DNAAF4: variants seen among roughly 807,000 people sequenced by gnomAD.
DNAAF4 encodes the protein dynein axonemal assembly factor 4, also known as dynein assembly factor 4, axonemal.
In DNAAF4, 43 loss-of-function variants were observed where a neutral mutation model predicts 51.8. The observed-to-expected ratio is 0.83, with a 90% CI of 0.65 to 1.07. The LOEUF (loss-of-function observed/expected upper bound fraction) is 1.07. Among genes scored for constraint, DNAAF4 ranks in the 50% least tolerant of loss-of-function variants. The pLI is 0.00. For missense variants in DNAAF4, 581 were observed against 493.0 expected (o/e 1.18, Z -1.69); for synonymous variants, 194 against 165.6 (o/e 1.17, Z -1.32).
intron 6 of DNAAF4, among the ~76,000 whole-genome samples, chr15:55,441,360 A>G (rs1032928343): frequency 6.6e-6 from 1 of 152,172 alleles, no homozygotes; most frequent in African/African-American, 2.4e-5. Context: ...GTGAGCCACC[A>G]TGCCCAGCCC....
Position 55,442,677 on chromosome 15 carries a change from C to T in DNAAF4, c.784-3096G>A, listed in dbSNP as rs182360264. ...GATTCAGCTTTATAAGTAAGCTTGTCGCCTCTGAATATAGGGTCTTCTCAT... is the reference window on the plus strand; with the variant it reads ...GATTCAGCTTTATAAGTAAGCTTGTTGCCTCTGAATATAGGGTCTTCTCAT... On this transcript the variant is annotated intron_variant, in intron 6 of 9. Coordinates refer to ENST00000321149, the MANE Select transcript of DNAAF4 (RefSeq NM_130810.4). 4.0e-3 allele frequency: 5,997 copies of T among 1,492,158 alleles called. 16 individuals carry two copies. The highest frequency in any genetic ancestry group is 4.8e-3 in the Non-Finnish European group (5,160 of 1,070,728). 92.4% of individuals were successfully genotyped at this position (1,492,158 alleles called of 1,614,324 possible).
intron 7 of DNAAF4, among the ~76,000 whole-genome samples, chr15:55,423,293 G>A (rs1047896200): frequency 6.6e-6 from 1 of 151,690 alleles, no homozygotes; most frequent in African/African-American, 2.4e-5. Context: ...CCTCAACCTC[G>A]ACTTCCCCGG....
At chr15:55,468,273 T>C (rs1202573673) in intron 4 of DNAAF4, among the ~76,000 whole-genome samples, 1 of 152,150 alleles carries the variant, frequency 6.6e-6, no homozygotes, top group Non-Finnish European at 1.5e-5. Flanking sequence ...CACTGAAAGG[T>C]GCTCTGTAAT....
At chr15:55,433,912 A>ATTACATATATTATATATAT (rs1555413829) in intron 8 of DNAAF4, among the ~76,000 whole-genome samples, 1 of 8,206 alleles carries the variant, frequency 1.2e-4, no homozygotes, top group African/African-American at 8.3e-4. Flanking sequence ...TATTATATAT[A>ATTACATATATTATATATAT]ATTATATATA....
At chr15:55,463,170 TCTCACACACACA>T (rs1334415057) in intron 5 of DNAAF4, among the ~76,000 whole-genome samples, 4 of 119,962 alleles carry the variant, frequency 3.3e-5, no homozygotes, top group African/African-American at 1.2e-4. Context: ...TGAGACTCTG[TCTCACACACACA>T]CACACACACA....
chr15:55,470,617 C>A (rs2058240644), intron 4 of DNAAF4, among the ~76,000 whole-genome samples: 1 of 151,502 alleles, frequency 6.6e-6, no homozygotes, highest in African/African-American at 2.4e-5. Context: ...TCATGGCTCA[C>A]TGCAGCCTCA....
intron 4 of DNAAF4, among the ~76,000 whole-genome samples, chr15:55,475,324 G>A (rs985885751): frequency 2.0e-5 from 3 of 152,150 alleles, no homozygotes; most frequent in African/African-American, 7.2e-5. Flanking sequence ...CATTTCAGGG[G>A]ACTGGAAATT....
intron 1 of DNAAF4, among the ~76,000 whole-genome samples, chr15:55,502,739 C>G (rs1357269253): frequency 1.3e-5 from 2 of 152,114 alleles, no homozygotes; most frequent in Non-Finnish European, 2.9e-5. Flanking sequence ...AACAAAGACA[C>G]AACGTACCAG....
downstream of DNAAF4, among the ~76,000 whole-genome samples, chr15:55,427,665 C>T (rs1295624416): frequency 6.7e-6 from 1 of 148,964 alleles, no homozygotes; most frequent in Non-Finnish European, 1.5e-5. Flanking sequence ...GATGGAGTTT[C>T]GCTCTTCTTG....
At chr15:55,478,298 A>G (rs2058363110) in intron 4 of DNAAF4, among the ~76,000 whole-genome samples, 1 of 152,210 alleles carries the variant, frequency 6.6e-6, no homozygotes, top group African/African-American at 2.4e-5. Flanking sequence ...TTGAAAAACA[A>G]ATTTTCCAGC....
Position 55,434,964 on chromosome 15 carries a change from G to A in DNAAF4, c.988C>T (p.Arg330Trp), listed in dbSNP as rs201173498. Residue 330 changes from arginine to tryptophan, a missense_variant, in exon 8 of 10, where the codon CGG becomes TGG. By Grantham distance (101) the Arg-to-Trp change is moderately radical. Coordinates refer to ENST00000321149, the MANE Select transcript of DNAAF4 (RefSeq NM_130810.4). Reference protein sequence around the residue: ...NNKMPLLYLNRAACHLKLKNL... With the variant: ...NNKMPLLYLNWAACHLKLKNL... The stretch of plus-strand genomic sequence containing the variant: ...TTTAGTTTTAGGTGGCAAGCAGCCC[G>A]GTTCAAATACAATAGTGGCATCTTA... 4.0e-5 allele frequency: 65 copies of A among 1,612,860 alleles called. No homozygotes were observed. The highest frequency in any genetic ancestry group is 1.7e-4 in the Middle Eastern group (1 of 6,050).
Position 55,504,381 on chromosome 15 carries a change from A to G in DNAAF4, c.-256+3741T>C, listed in dbSNP as rs141929853. Among the ~76,000 whole-genome samples the G allele has an allele frequency of 3.2e-3, 492 of 152,310 alleles. 1 individual carries two copies. The highest frequency in any genetic ancestry group is 0.011 in the African/African-American group (463 of 41,560). On this transcript the variant is annotated intron_variant, in intron 1 of 9. Transcript: ENST00000321149. ...TTATAGATTCAATGCTATCCCCAACAAGCTACCAATGACTTTCTTCACAGA... is the reference window on the plus strand; with the variant it reads ...TTATAGATTCAATGCTATCCCCAACGAGCTACCAATGACTTTCTTCACAGA...
At chr15:55,488,624 C>A (rs1396402806) in intron 4 of DNAAF4, among the ~76,000 whole-genome samples, 1 of 152,166 alleles carries the variant, frequency 6.6e-6, no homozygotes, top group African/African-American at 2.4e-5. Context: ...AAAACATACT[C>A]CCAACTCTCA....
chr15:55,488,417 A>G (rs2058522859), intron 4 of DNAAF4, among the ~76,000 whole-genome samples: 1 of 152,200 alleles, frequency 6.6e-6, no homozygotes, highest in Non-Finnish European at 1.5e-5. Flanking sequence ...GCCTTTTGTT[A>G]CTATTTGCTC....
rs1164884893 is a variant in DNAAF4 at position 55,442,798 on chromosome 15, C to A, written c.784-3217G>T. The A allele has an allele frequency of 3.1e-6, 5 of 1,611,286 alleles. No individual in the cohort carries two copies. The South Asian group carries it at 3.3e-5, about 11-fold the overall frequency. ...AACAACAGAACAAAGAGGGATAGGT[C>A]TTTTACAACTGATGTTGAGATTGGC... On this transcript the variant is annotated intron_variant, in intron 6 of 9. Coordinates refer to ENST00000321149, the MANE Select transcript of DNAAF4 (RefSeq NM_130810.4).
At chr15:55,420,835 T>C (rs759833628) in intron 7 of DNAAF4, among the ~76,000 whole-genome samples, 52 of 152,154 alleles carry the variant, frequency 3.4e-4, no homozygotes, top group Non-Finnish European at 6.0e-4. Context: ...ATCTAGATAC[T>C]AACCTAAAAT....
rs754909002 is a variant in DNAAF4, at chr15:55,450,216, A to G, written c.783+6T>C. On this transcript the variant is annotated splice_donor_region_variant and intron_variant, in intron 6 of 9. Transcript: ENST00000321149. ...TGGTAATTGTAACTAGAGTAAGTAT[A>G]TATACCTCCTCCTCTTCTGCTACTT... 1.7e-5 allele frequency: 27 copies of G among 1,607,096 alleles called. No homozygotes were observed. The highest frequency in any genetic ancestry group is 2.0e-5 in the Non-Finnish European group (24 of 1,178,244).
chr15:55,505,913 T>C lies in DNAAF4; in HGVS notation c.-256+2209A>G, dbSNP rs961056813. Among the ~76,000 whole-genome samples, 4 of 152,158 alleles carry C rather than the reference T, an allele frequency of 2.6e-5. No homozygotes were observed. The South Asian group carries it at 6.2e-4, about 24-fold the overall frequency. ...CACATGTACCTTAGAACTTAGAGTATAATAATAAAAAAAGTAGCTGTTGTA... is the reference window on the plus strand; with the variant it reads ...CACATGTACCTTAGAACTTAGAGTACAATAATAAAAAAAGTAGCTGTTGTA... On this transcript the variant is annotated intron_variant, in intron 1 of 9. Transcript: ENST00000321149.
At chr15:55,436,465 C>T (rs971485102) in intron 7 of DNAAF4, among the ~76,000 whole-genome samples, 2 of 152,074 alleles carry the variant, frequency 1.3e-5, no homozygotes, top group Non-Finnish European at 2.9e-5. Context: ...CTCACTGCAA[C>T]CTCTACCTCC....
Sources: allele counts gnomAD v4.1 joint callset (sites outside exome capture counted in the v4.1 genomes callset), GRCh38; gene constraint gnomAD v4.1.1; transcripts MANE v1.5; gene names NCBI Gene and HGNC (gene_info 2026-07-23, HGNC 2026-07-21).